RAB38: variants seen among roughly 807,000 people sequenced by gnomAD.
The protein encoded by RAB38 is ras-related protein Rab-38.
In RAB38, 15 loss-of-function variants were observed where a neutral mutation model predicts 18.4. The observed-to-expected ratio is 0.82, with a 90% CI of 0.55 to 1.26. The LOEUF (loss-of-function observed/expected upper bound fraction) is 1.26, where lower values mean the gene tolerates loss of function less well. Among genes scored for constraint, RAB38 ranks in the 50% most tolerant of loss-of-function variants. The pLI is 0.00. For synonymous variants in RAB38, 101 were observed against 104.4 expected (o/e 0.97, Z 0.20); for missense variants, 294 against 267.4 (o/e 1.10, Z -0.69).
chr11:88,053,370 GAATA>G, the RAB38 span, among the ~76,000 whole-genome samples: 338 of 32,532 alleles, frequency 0.01, 30 homozygotes, highest in African/African-American at 0.028. Context: ...CATATATATG[GAATA>G]TATATATATA....
At chr11:87,949,028 T>G in the RAB38 span, among the ~76,000 whole-genome samples, 1 of 152,178 alleles carries the variant, frequency 6.6e-6, no homozygotes, top group East Asian at 1.9e-4. Context: ...CTGGACTTTT[T>G]TTGGTTGGTA....
chr11:87,878,204 C>CATATATATAT, the RAB38 span, among the ~76,000 whole-genome samples: 18 of 98,236 alleles, frequency 1.8e-4, 1 homozygote, highest in African/African-American at 1.2e-3. Context: ...ATGTGCTAAA[C>CATATATATAT]ATATATATAT....
At chr11:87,938,618 C>A in the RAB38 span, among the ~76,000 whole-genome samples, 1 of 69,712 alleles carries the variant, frequency 1.4e-5, no homozygotes, top group Non-Finnish European at 2.6e-5. Context: ...TGCTCTTTTC[C>A]GTTTTTTTTT....
chr11:88,030,443 G>T, the RAB38 span, among the ~76,000 whole-genome samples: 3 of 152,198 alleles, frequency 2.0e-5, no homozygotes, highest in South Asian at 6.2e-4. Context: ...TCCAGAAGCT[G>T]GTTTTTTGAA....
chr11:87,809,337 A>G, the RAB38 span, among the ~76,000 whole-genome samples: 1 of 152,218 alleles, frequency 6.6e-6, no homozygotes, highest in Non-Finnish European at 1.5e-5. Context: ...CTACAAAAGA[A>G]TCTACATGCC....
At chr11:87,806,247 G>A in the RAB38 span, among the ~76,000 whole-genome samples, 1 of 152,100 alleles carries the variant, frequency 6.6e-6, no homozygotes, top group Non-Finnish European at 1.5e-5. Context: ...TAAACTTCAT[G>A]GCTTGTAAAT....
At chr11:87,972,457 T>C in the RAB38 span, among the ~76,000 whole-genome samples, 2 of 152,036 alleles carry the variant, frequency 1.3e-5, no homozygotes, top group Non-Finnish European at 2.9e-5. Context: ...TTTGGTACGA[T>C]AGAGACTATA....
chr11:88,108,983 G>C (rs1591148447), downstream of RAB38, among the ~76,000 whole-genome samples: 1 of 152,158 alleles, frequency 6.6e-6, no homozygotes, highest in African/African-American at 2.4e-5. Flanking sequence ...CTTCTGGCTT[G>C]TAGGGTTTCT....
chr11:87,970,260 G>C, the RAB38 span, among the ~76,000 whole-genome samples: 1 of 151,886 alleles, frequency 6.6e-6, no homozygotes, highest in African/African-American at 2.4e-5. Context: ...AATCCATAAA[G>C]AACAAAATAT....
rs144369440 is a variant in RAB38 at position 88,114,123 on chromosome 11, A to T, written c.501T>A (p.Asp167Glu). The T allele has an allele frequency of 9.9e-6, 16 of 1,614,056 alleles. No individual in the cohort carries two copies. Among genetic ancestry groups the T allele is most frequent in the Non-Finnish European group, 1.4e-5 (16 of 1,180,010 alleles). Residue 167 changes from aspartate (D) to glutamate (E), a missense_variant, in exon 3 of 3, where the codon GAT becomes GAA. Coordinates refer to ENST00000243662, the MANE Select transcript of RAB38 (RefSeq NM_022337.3). ...ETSAKENINIDEASRCLVKHI... is the reference protein window; with the variant it reads ...ETSAKENINIEEASRCLVKHI... The stretch of plus-strand genomic sequence containing the variant: ...GTTTCACCAGGCATCTGGAGGCTTC[A>T]TCAATGTTTATATTTTCCTATGAGG...
At chr11:88,145,806 T>G (rs950643027) in intron 2 of RAB38, among the ~76,000 whole-genome samples, 1 of 152,118 alleles carries the variant, frequency 6.6e-6, no homozygotes, top group African/African-American at 2.4e-5. Flanking sequence ...AATTACAAAT[T>G]AAAAATGAAG....
At chr11:87,866,158 C>T in the RAB38 span, among the ~76,000 whole-genome samples, 2 of 151,502 alleles carry the variant, frequency 1.3e-5, no homozygotes, top group African/African-American at 2.4e-5. Context: ...ATAACCAGAG[C>T]AGGGAGAGTG....
At chr11:88,044,403 C>T in the RAB38 span, among the ~76,000 whole-genome samples, 12 of 152,130 alleles carry the variant, frequency 7.9e-5, no homozygotes, top group African/African-American at 2.7e-4. Context: ...GCCTCCTTCA[C>T]TATGGGCAGC....
At chr11:87,842,439 T>G in the RAB38 span, among the ~76,000 whole-genome samples, 1 of 152,224 alleles carries the variant, frequency 6.6e-6, no homozygotes, top group Non-Finnish European at 1.5e-5. Context: ...CTACCTCATT[T>G]GATATCATCA....
the RAB38 span, among the ~76,000 whole-genome samples, chr11:88,067,922 T>C: frequency 2.7e-5 from 4 of 149,194 alleles, no homozygotes; most frequent in Middle Eastern, 0.011. Flanking sequence ...AAATTATATA[T>C]ATATATACAC....
chr11:87,926,313 T>TA, the RAB38 span, among the ~76,000 whole-genome samples: 1 of 151,852 alleles, frequency 6.6e-6, no homozygotes, highest in African/African-American at 2.4e-5. Context: ...TCCCTAAAAT[T>TA]AAAAAAATAA....
chr11:88,136,752 G>T (rs1942840906), intron 2 of RAB38, among the ~76,000 whole-genome samples: 1 of 152,152 alleles, frequency 6.6e-6, no homozygotes, highest in Non-Finnish European at 1.5e-5. Flanking sequence ...AAATAGTAGG[G>T]CTAATTAATT....
At chr11:87,976,368 T>C in the RAB38 span, among the ~76,000 whole-genome samples, 2 of 141,740 alleles carry the variant, frequency 1.4e-5, 1 homozygote, top group South Asian at 4.3e-4. Flanking sequence ...ATAAAAAATA[T>C]ATACAAATAC....
chr11:88,011,998 C>A, the RAB38 span, among the ~76,000 whole-genome samples: 1 of 152,174 alleles, frequency 6.6e-6, no homozygotes, highest in Non-Finnish European at 1.5e-5. Context: ...CTCTATATCC[C>A]TTCCTTAAGT....
Sources: gnomAD v4.1 joint callset for allele counts (sites outside exome capture counted in the v4.1 genomes callset) on GRCh38, gnomAD v4.1.1 for gene constraint, MANE v1.5 for transcripts, NCBI Gene and HGNC (gene_info 2026-07-23, HGNC 2026-07-21) for gene names.